Variants in WDR7 observed in about 807,000 individuals in gnomAD.
The protein encoded by WDR7 is WD repeat domain 7.
In WDR7, 46 loss-of-function variants were observed where a neutral mutation model predicts 169.4. The ratio of observed to expected loss-of-function variants is 0.27; its 90% CI spans 0.21 to 0.35. WDR7 has a LOEUF of 0.35. WDR7 is among the 10% of genes least tolerant of loss of function. WDR7 has a pLI of 1.00. For missense variants in WDR7, 1,534 were observed against 1,859.3 expected (o/e 0.83, Z 3.22); for synonymous variants, 612 against 666.8 (o/e 0.92, Z 1.27).
At chr18:56,923,894 T>G in intron 21 of WDR7, 28 bp from the exon 22 acceptor site, 1 of 1,495,528 alleles carries the variant, frequency 6.7e-7, no homozygotes, top group Non-Finnish European at 8.9e-7. Context: ...ATTCCCCTTT[T>G]GCTCTGCATT....
chr18:56,729,712 A>G (rs1170036650), intron 13 of WDR7, among the ~76,000 whole-genome samples: 1 of 152,148 alleles, frequency 6.6e-6, no homozygotes, highest in African/African-American at 2.4e-5. Context: ...CCACACACAT[A>G]TATGTTTGGA....
chr18:56,700,803 T>C (rs960229765), intron 12 of WDR7, among the ~76,000 whole-genome samples: 2 of 151,992 alleles, frequency 1.3e-5, no homozygotes, highest in East Asian at 3.9e-4. Flanking sequence ...TCTCCTGACC[T>C]CGTGATCCGC....
chr18:56,938,481 T>A, intron 23 of WDR7, 52 bp from the exon 24 acceptor site: 1 of 1,584,038 alleles, frequency 6.3e-7, no homozygotes, highest in Non-Finnish European at 8.5e-7. Context: ...TGGCTAGAAA[T>A]GTAAAACTAT....
intron 26 of WDR7, among the ~76,000 whole-genome samples, chr18:57,007,212 C>G (rs1444645487): frequency 2.0e-5 from 3 of 152,172 alleles, no homozygotes; most frequent in African/African-American, 7.2e-5. Context: ...ATCTCCTGAC[C>G]TCGTGATCCA....
intron 2 of WDR7, among the ~76,000 whole-genome samples, chr18:56,675,211 A>G (rs936402757): frequency 1.3e-5 from 2 of 152,076 alleles, no homozygotes; most frequent in African/African-American, 2.4e-5. Flanking sequence ...TTGCATTTCC[A>G]TATGAATTTT....
At chr18:56,675,169 C>T (rs924947263) in intron 2 of WDR7, among the ~76,000 whole-genome samples, 4 of 152,080 alleles carry the variant, frequency 2.6e-5, no homozygotes, top group African/African-American at 7.2e-5. Context: ...CAGTATTGCT[C>T]TTCTTTTTCA....
At chr18:57,017,322 GGTCT>G (rs929727626) in intron 26 of WDR7, among the ~76,000 whole-genome samples, 2 of 152,170 alleles carry the variant, frequency 1.3e-5, no homozygotes, top group East Asian at 1.9e-4. Context: ...CGAGACAGCA[GGTCT>G]GTCTGTCAGC....
intron 12 of WDR7, among the ~76,000 whole-genome samples, chr18:56,708,425 G>A (rs2026009858): frequency 6.6e-6 from 1 of 152,158 alleles, no homozygotes; most frequent in Non-Finnish European, 1.5e-5. Flanking sequence ...CAGATGTGTG[G>A]TTGCCATTTA....
intron 12 of WDR7, among the ~76,000 whole-genome samples, chr18:56,703,984 G>C (rs1279599893): frequency 6.6e-6 from 1 of 152,040 alleles, no homozygotes; most frequent in East Asian, 1.9e-4. Flanking sequence ...AAACAATGAG[G>C]AATAGGTTTG....
chr18:56,736,718 A>C (rs1248756500), intron 14 of WDR7, among the ~76,000 whole-genome samples: 1 of 152,072 alleles, frequency 6.6e-6, no homozygotes, highest in East Asian at 1.9e-4. Context: ...TGGTTTGGTC[A>C]GAAATCAGGG....
At chr18:56,879,240 A>G (rs888536786) in intron 20 of WDR7, among the ~76,000 whole-genome samples, 1 of 151,920 alleles carries the variant, frequency 6.6e-6, no homozygotes, top group African/African-American at 2.4e-5. Flanking sequence ...ATCATGCCCA[A>G]CAACAAAGCA....
intron 20 of WDR7, among the ~76,000 whole-genome samples, chr18:56,843,331 CT>C (rs2045515746): frequency 6.6e-6 from 1 of 152,194 alleles, no homozygotes; most frequent in African/African-American, 2.4e-5. Context: ...ACTTTTTCAT[CT>C]TCTCAAAGTG....
chr18:56,986,395 G>A (rs2047720458), intron 26 of WDR7, among the ~76,000 whole-genome samples: 2 of 152,082 alleles, frequency 1.3e-5, no homozygotes, highest in African/African-American at 4.8e-5. Flanking sequence ...ATTTTGAAAT[G>A]ATAATTCCTT....
chr18:56,807,838 TAAAC>T (rs1450027480), intron 19 of WDR7, among the ~76,000 whole-genome samples: 2 of 152,226 alleles, frequency 1.3e-5, no homozygotes, highest in African/African-American at 2.4e-5. Context: ...TGGACTTTAA[TAAAC>T]TAACTTTATT....
chr18:56,820,339 CAAAAAAAAAAAA>C (rs386387798), intron 20 of WDR7, among the ~76,000 whole-genome samples: 30 of 42,474 alleles, frequency 7.1e-4, no homozygotes, highest in Non-Finnish European at 8.0e-4. Context: ...CTGACATTGT[CAAAAAAAAAAAA>C]AAAAAAAAAA....
chr18:56,971,333 G>A (rs1316478783), intron 26 of WDR7, among the ~76,000 whole-genome samples: 1 of 149,166 alleles, frequency 6.7e-6, no homozygotes, highest in African/African-American at 2.5e-5. Flanking sequence ...TTTGCCTCCT[G>A]TATTTGTCAT....
rs186711161 is a variant in WDR7 at position 56,675,161 on chromosome 18, G to C, written c.159+2487G>C. On this transcript the variant is annotated intron_variant, in intron 2 of 27. Coordinates refer to ENST00000254442, the MANE Select transcript of WDR7 (RefSeq NM_015285.3). ...GAAATCCAGATATGTGAGTCCTCCA[G>C]TATTGCTCTTCTTTTTCAAGATTGT... 2.0e-5 allele frequency among the ~76,000 whole-genome samples: 3 copies of C among 152,230 alleles called. No homozygotes were observed. The East Asian group carries it at 5.8e-4, about 29-fold the overall frequency.
intron 19 of WDR7, among the ~76,000 whole-genome samples, chr18:56,790,947 C>T (rs1163136321): frequency 6.6e-6 from 1 of 152,034 alleles, no homozygotes; most frequent in Admixed American, 6.6e-5. Context: ...AAATGCCAAC[C>T]CAGTCATCTG....
At chr18:56,682,205 AATC>A (rs1254756164) in intron 4 of WDR7, among the ~76,000 whole-genome samples, 48 of 152,320 alleles carry the variant, frequency 3.2e-4, no homozygotes, top group African/African-American at 1.1e-3. Context: ...TTTGAACATC[AATC>A]ATCCTTCTAA....
Sources: gnomAD v4.1 joint callset for allele counts (sites outside exome capture counted in the v4.1 genomes callset) on GRCh38, gnomAD v4.1.1 for gene constraint, MANE v1.5 for transcripts, NCBI Gene and HGNC (gene_info 2026-07-23, HGNC 2026-07-21) for gene names.